Variants in MYO7A observed in about 807,000 individuals in gnomAD.
The protein encoded by MYO7A is unconventional myosin-VIIa.
Under a neutral mutation model 263.8 loss-of-function variants are expected in MYO7A, and 210 were observed. The ratio of observed to expected loss-of-function variants is 0.80; its 90% CI spans 0.71 to 0.89. The LOEUF is 0.89. Ranked by LOEUF, MYO7A falls within the 40% of genes least tolerant of loss-of-function variation. The probability of loss-of-function intolerance (pLI) is 0.00; values close to 1 mark genes in which losing one functional copy is unlikely to be tolerated. For missense variants in MYO7A, 2,820 were observed against 2,968.3 expected (o/e 0.95, Z 1.16); for synonymous variants, 1,239 against 1,197.3 (o/e 1.03, Z -0.72).
rs940452289 is a variant in MYO7A at position 77,172,840 on chromosome 11, C to G, written c.1890C>G (p.Pro630=). 1.9e-6 allele frequency: 3 copies of G among 1,552,216 alleles called. No individual in the cohort carries two copies. The Admixed American group carries it at 5.9e-5, about 30-fold the overall frequency. The change falls in exon 16 of 49, where the codon CCC becomes CCG. Residue 630 remains proline (P), a synonymous_variant. Transcript: ENST00000409709. ...TGCGCACGCTGGGTGCCTGCCAGCCCTTCTTTGTGCGATGCATCAAGCCCA... is the reference window on the plus strand; with the variant it reads ...TGCGCACGCTGGGTGCCTGCCAGCCGTTCTTTGTGCGATGCATCAAGCCCA... ...LLMRTLGACQ[P]FFVRCIKPNE... is the part of the protein sequence containing the mutation.
chr11:77,157,259 C>A lies in MYO7A; in HGVS notation c.736-20C>A. Reference sequence around the variant, plus strand: ...CTGGCCCTCCTCCCCTGGCCCCCAGCACTGTGCCCACATTTTCAGGCCCTG... The same window carrying A: ...CTGGCCCTCCTCCCCTGGCCCCCAGAACTGTGCCCACATTTTCAGGCCCTG... On this transcript the variant is annotated intron_variant, in intron 7 of 48. Coordinates refer to ENST00000409709, the MANE Select transcript of MYO7A (RefSeq NM_000260.4). 2 of 1,579,220 alleles carry A rather than the reference C, an allele frequency of 1.3e-6. No homozygotes were observed. Among genetic ancestry groups the A allele is most frequent in the Non-Finnish European group, 1.7e-6 (2 of 1,157,724 alleles).
At chr11:77,153,259 G>C (rs894533726) in intron 4 of MYO7A, among the ~76,000 whole-genome samples, 8 of 152,060 alleles carry the variant, frequency 5.3e-5, no homozygotes, top group Admixed American at 2.6e-4. Flanking sequence ...TGTGAGGGAG[G>C]GGTGTCCAGG....
chr11:77,208,994 CA>C, intron 44 of MYO7A, 191 bp downstream of exon 44: 1 of 595,592 alleles, frequency 1.7e-6, no homozygotes, highest in Non-Finnish European at 3.0e-6. Flanking sequence ...TCTGATTCTT[CA>C]GCCCTTAGGG....
In MYO7A at chr11:77,195,327, AGAG is replaced by A. The variant is rs575427735; in HGVS notation, c.4323+810_4323+812del. ...CCCGAACCCCCCCGAACCCCACTTC[AGAG>A]GAGGAGCGTCTCCTCCCTGCCACCC... On this transcript the variant is annotated intron_variant, in intron 32 of 48. Coordinates refer to ENST00000409709, the MANE Select transcript of MYO7A (RefSeq NM_000260.4). 1.4e-3 allele frequency among the ~76,000 whole-genome samples: 211 copies of A among 151,652 alleles called. 2 individuals carry two copies. Among genetic ancestry groups the A allele is most frequent in the African/African-American group, 4.5e-3 (185 of 41,340 alleles).
At chr11:77,194,862 T>C (rs112809128) in intron 32 of MYO7A, among the ~76,000 whole-genome samples, 117 of 152,202 alleles carry the variant, frequency 7.7e-4, no homozygotes, top group African/African-American at 2.7e-3. Flanking sequence ...TTGTACCTCC[T>C]TTTTCCTAAA....
intron 7 of MYO7A, 96 bp downstream of exon 7, chr11:77,157,100 C>G (rs1555063510): frequency 6.6e-7 from 1 of 1,518,980 alleles, no homozygotes; most frequent in Non-Finnish European, 8.9e-7. Flanking sequence ...CGTATTGCTC[C>G]CCCACCTGCC....
intron 26 of MYO7A, among the ~76,000 whole-genome samples, chr11:77,183,792 G>A (rs1955447443): frequency 6.6e-6 from 1 of 152,130 alleles, no homozygotes; most frequent in African/African-American, 2.4e-5. Context: ...AGCCTCCCCA[G>A]CTCCTCCACT....
At chr11:77,147,690 C>T (rs188490086) in intron 3 of MYO7A, 108 bp from the exon 4 acceptor site, 2 of 1,458,410 alleles carry the variant, frequency 1.4e-6, no homozygotes, top group Non-Finnish European at 1.9e-6. Flanking sequence ...GGTCGAGGCC[C>T]TTACCCGGGT....
intron 27 of MYO7A, chr11:77,184,928 T>C (rs781841660): frequency 1.1e-5 from 9 of 807,038 alleles, no homozygotes; most frequent in Non-Finnish European, 1.7e-5. Context: ...CAGGCATCCC[T>C]TGGAGATATT....
At chr11:77,161,521 G>A (rs1255066076) in intron 12 of MYO7A, among the ~76,000 whole-genome samples, 1 of 152,198 alleles carries the variant, frequency 6.6e-6, no homozygotes, top group African/African-American at 2.4e-5. Flanking sequence ...ACTGATGGGT[G>A]GTGTCACATA....
At chr11:77,203,283 G>A in intron 38 of MYO7A, 66 bp downstream of exon 38, 1 of 1,508,182 alleles carries the variant, frequency 6.6e-7, no homozygotes, top group South Asian at 1.2e-5. Context: ...TCTGCACACT[G>A]CCTTCCTCCT....
chr11:77,142,548 C>T, intron 2 of MYO7A, 161 bp from the exon 3 acceptor site: 2 of 700,002 alleles, frequency 2.9e-6, no homozygotes, highest in Non-Finnish European at 5.2e-6. Context: ...CCAGGGCCTG[C>T]ACTGCTCCAG....
chr11:77,137,489 G>A (rs966323738), intron 2 of MYO7A, among the ~76,000 whole-genome samples: 2 of 152,238 alleles, frequency 1.3e-5, no homozygotes, highest in African/African-American at 4.8e-5. Flanking sequence ...AAAGAGGGGA[G>A]GAGGACAAAG....
At chr11:77,178,783 T>C (rs986112654) in intron 19 of MYO7A, among the ~76,000 whole-genome samples, 3 of 152,260 alleles carry the variant, frequency 2.0e-5, no homozygotes, top group Admixed American at 6.5e-5. Flanking sequence ...TATTTTTTCA[T>C]ACATTTATTC....
intron 19 of MYO7A, 102 bp downstream of exon 19, chr11:77,177,745 AC>A: frequency 3.2e-6 from 3 of 927,184 alleles, no homozygotes; most frequent in Non-Finnish European, 5.0e-6. Context: ...TAGGAAAAAA[AC>A]GTGTTCACCT....
intron 15 of MYO7A, 54 bp from the exon 16 acceptor site, chr11:77,172,694 G>GACAC: frequency 6.5e-7 from 1 of 1,544,382 alleles, no homozygotes; most frequent in Non-Finnish European, 8.7e-7. Flanking sequence ...CGGCTCCTGG[G>GACAC]ACACTGGATG....
At chr11:77,129,547 G>T (rs1950704809) in intron 1 of MYO7A, among the ~76,000 whole-genome samples, 1 of 152,172 alleles carries the variant, frequency 6.6e-6, no homozygotes, top group Non-Finnish European at 1.5e-5. Flanking sequence ...CCCTGTGCTG[G>T]ACAAGGCTGG....
intron 2 of MYO7A, among the ~76,000 whole-genome samples, chr11:77,137,798 G>A (rs1432889629): frequency 1.3e-5 from 2 of 152,152 alleles, no homozygotes; most frequent in African/African-American, 4.8e-5. Context: ...GGCTGCGGGA[G>A]GAGGACATAG....
intron 32 of MYO7A, among the ~76,000 whole-genome samples, chr11:77,196,418 T>G (rs930430312): frequency 4.0e-5 from 6 of 151,420 alleles, no homozygotes; most frequent in African/African-American, 4.9e-5. Context: ...TCTGAGTTGC[T>G]GGGGGTGAGG....
Sources: gnomAD v4.1 joint callset for allele counts (sites outside exome capture counted in the v4.1 genomes callset) on GRCh38, gnomAD v4.1.1 for gene constraint, MANE v1.5 for transcripts, NCBI Gene and HGNC (gene_info 2026-07-23, HGNC 2026-07-21) for gene names.